The following RGS5 variants were observed in gnomAD, a reference collection of about 807,000 sequenced individuals.
The protein encoded by RGS5 is regulator of G-protein signalling 5.
A neutral mutation model predicts 18.9 loss-of-function variants in RGS5; 20 were observed. The ratio of observed to expected loss-of-function variants is 1.06; its 90% CI spans 0.74 to 1.54. The LOEUF (loss-of-function observed/expected upper bound fraction) is 1.54. Among genes scored for constraint, RGS5 ranks in the 40% most tolerant of loss-of-function variants. The pLI, the probability that RGS5 is intolerant of heterozygous loss-of-function variation, is 0.00. For synonymous variants in RGS5, 57 were observed against 76.2 expected, an observed-to-expected ratio of 0.75 and a Z score of 1.31; for missense variants, 201 against 211.8, an observed-to-expected ratio of 0.95 and a Z score of 0.32.
At chr1:163,152,465 C>T (rs1048511375) in intron 4 of RGS5, 85 bp downstream of exon 4, 2 of 1,417,160 alleles carry the variant, frequency 1.4e-6, no homozygotes, top group Non-Finnish European at 1.9e-6. Context: ...CTTTGGCTCC[C>T]AACGGGAGGT....
At chr1:163,243,357 TA>T (rs1309736563) in intron 2 of RGS5, among the ~76,000 whole-genome samples, 2 of 151,994 alleles carry the variant, frequency 1.3e-5, no homozygotes, top group African/African-American at 4.8e-5. Flanking sequence ...GCTTAAAACC[TA>T]GATGACAGGC....
chr1:163,291,635 G>A (rs1323366386), intron 2 of RGS5, among the ~76,000 whole-genome samples: 10 of 152,048 alleles, frequency 6.6e-5, no homozygotes, highest in East Asian at 1.9e-4. Flanking sequence ...TCTGACAACC[G>A]ATAGTTCCAT....
chr1:163,215,122 C>CT (rs1438866431), intron 1 of RGS5, among the ~76,000 whole-genome samples: 1 of 152,084 alleles, frequency 6.6e-6, no homozygotes, highest in Non-Finnish European at 1.5e-5. Context: ...CTGAAGCTTT[C>CT]TTTTTGCCTC....
intron 2 of RGS5, among the ~76,000 whole-genome samples, chr1:163,241,970 T>C (rs1647802586): frequency 6.6e-6 from 1 of 152,186 alleles, no homozygotes; most frequent in African/African-American, 2.4e-5. Context: ...CTAGATTAAT[T>C]GTCCGTAGAG....
chr1:163,243,087 T>G (rs894637133), intron 2 of RGS5, among the ~76,000 whole-genome samples: 2 of 152,148 alleles, frequency 1.3e-5, no homozygotes, highest in Non-Finnish European at 2.9e-5. Context: ...GTGGTGCATA[T>G]ACACTATGGA....
intron 1 of RGS5, among the ~76,000 whole-genome samples, chr1:163,319,976 T>C (rs753401986): frequency 4.6e-5 from 7 of 152,228 alleles, no homozygotes; most frequent in Non-Finnish European, 8.8e-5. Flanking sequence ...TAAGGTAATT[T>C]GAATAAACAC....
chr1:163,160,000 T>C (rs1279641816), intron 3 of RGS5, among the ~76,000 whole-genome samples: 2 of 152,124 alleles, frequency 1.3e-5, no homozygotes, highest in Non-Finnish European at 2.9e-5. Context: ...CTCAACACGA[T>C]GGTAATCATC....
intron 2 of RGS5, among the ~76,000 whole-genome samples, chr1:163,224,999 G>T (rs1284931991): frequency 6.6e-6 from 1 of 151,992 alleles, no homozygotes; most frequent in African/African-American, 2.4e-5. Context: ...TCTGTTGATT[G>T]CTTTCTTTGC....
chr1:163,192,663 T>A (rs1659405525), intron 1 of RGS5, among the ~76,000 whole-genome samples: 3 of 152,184 alleles, frequency 2.0e-5, no homozygotes, highest in Admixed American at 1.3e-4. Context: ...TGTGTGTAAG[T>A]GTGTATGCCT....
At chr1:163,218,564 C>T (rs1660267712), upstream of RGS5, among the ~76,000 whole-genome samples, 1 of 150,772 alleles carries the variant, frequency 6.6e-6, no homozygotes, top group Non-Finnish European at 1.5e-5. Flanking sequence ...GTGCATTATG[C>T]ATTTTATTTT....
intron 2 of RGS5, among the ~76,000 whole-genome samples, chr1:163,290,653 C>CAA (rs66595263): frequency 8.5e-5 from 11 of 128,684 alleles, no homozygotes; most frequent in African/African-American, 2.8e-4. Flanking sequence ...CAGCTCATAC[C>CAA]AAAAAAAAAA....
intron 1 of RGS5, among the ~76,000 whole-genome samples, chr1:163,187,553 C>T (rs531979375): frequency 6.6e-6 from 1 of 152,198 alleles, no homozygotes; most frequent in Non-Finnish European, 1.5e-5. Context: ...CTGACAGGTC[C>T]CGCCTCATAC....
At chr1:163,194,252 T>C (rs1659472474) in intron 1 of RGS5, among the ~76,000 whole-genome samples, 1 of 152,170 alleles carries the variant, frequency 6.6e-6, no homozygotes, top group African/African-American at 2.4e-5. Flanking sequence ...GGGTTCTTAA[T>C]TGAGTCCACT....
chr1:163,262,508 T>C (rs2101706663), intron 2 of RGS5, among the ~76,000 whole-genome samples: 1 of 68,294 alleles, frequency 1.5e-5, no homozygotes, highest in African/African-American at 5.9e-5. Flanking sequence ...TATGGCTGCA[T>C]AGTATTCCAT....
intron 2 of RGS5, among the ~76,000 whole-genome samples, chr1:163,167,150 A>G (rs1571229430): frequency 6.6e-6 from 1 of 152,226 alleles, no homozygotes; most frequent in African/African-American, 2.4e-5. Context: ...TTATCTCCCA[A>G]TCAATCCAGC....
intron 2 of RGS5, among the ~76,000 whole-genome samples, chr1:163,290,449 T>C (rs571137900): frequency 1.3e-5 from 2 of 152,352 alleles, no homozygotes; most frequent in South Asian, 2.1e-4. Flanking sequence ...AACTATTGCA[T>C]AACATTTCTT....
chr1:163,293,032 T>C (rs891720363), intron 2 of RGS5, among the ~76,000 whole-genome samples: 1 of 152,204 alleles, frequency 6.6e-6, no homozygotes, highest in South Asian at 2.1e-4. Flanking sequence ...TTAGATCCCA[T>C]TTGTCAATTT....
chr1:163,268,831 A>G (rs1362200301), intron 2 of RGS5, among the ~76,000 whole-genome samples: 1 of 152,024 alleles, frequency 6.6e-6, no homozygotes, highest in East Asian at 1.9e-4. Flanking sequence ...GTGGCCCTGC[A>G]TGGCATGGTG....
chr1:163,198,286 C>G (rs1571279336), intron 1 of RGS5, among the ~76,000 whole-genome samples: 1 of 152,092 alleles, frequency 6.6e-6, no homozygotes, highest in Non-Finnish European at 1.5e-5. Context: ...TGGCCAAAAG[C>G]CCCTGTGTGA....
Sources: allele counts gnomAD v4.1 joint callset (sites outside exome capture counted in the v4.1 genomes callset), GRCh38; gene constraint gnomAD v4.1.1; transcripts MANE v1.5; gene names NCBI Gene and HGNC (gene_info 2026-07-23, HGNC 2026-07-21).